The following SPMIP2 variants were observed in gnomAD, a reference collection of about 807,000 sequenced individuals.
SPMIP2 encodes the protein sperm microtubule inner protein 2.
chr4:159,044,047 T>C, the SPMIP2 span, among the ~76,000 whole-genome samples: 1 of 152,216 alleles, frequency 6.6e-6, no homozygotes, highest in Non-Finnish European at 1.5e-5. Context: ...TTGAAAATTT[T>C]CGTTTTTTAG....
At chr4:159,038,896 A>C in the SPMIP2 span, 1 of 152,644 alleles carries the variant, frequency 6.6e-6, no homozygotes, top group Non-Finnish European at 1.5e-5. Context: ...AGTCATCACT[A>C]GGAGGGTGAG....
the SPMIP2 span, among the ~76,000 whole-genome samples, chr4:158,900,982 C>T: frequency 6.6e-6 from 1 of 152,088 alleles, no homozygotes; most frequent in Non-Finnish European, 1.5e-5. Flanking sequence ...CCGCTTTTTC[C>T]TTTCCATGTA....
At chr4:158,934,874 T>C in the SPMIP2 span, among the ~76,000 whole-genome samples, 2 of 152,180 alleles carry the variant, frequency 1.3e-5, no homozygotes, top group Admixed American at 1.3e-4. Context: ...ATCAGGATTA[T>C]TGCAATATCA....
chr4:159,034,124 G>A, the SPMIP2 span, among the ~76,000 whole-genome samples: 28 of 152,142 alleles, frequency 1.8e-4, no homozygotes, highest in African/African-American at 5.8e-4. Context: ...GCAACAGGGC[G>A]AGACTCTGTC....
the SPMIP2 span, among the ~76,000 whole-genome samples, chr4:159,030,553 A>G: frequency 6.6e-6 from 1 of 151,804 alleles, no homozygotes; most frequent in Non-Finnish European, 1.5e-5. Flanking sequence ...CTGGAGTGCC[A>G]TGGTGCAATC....
At chr4:158,972,361 C>G in the SPMIP2 span, among the ~76,000 whole-genome samples, 1 of 152,120 alleles carries the variant, frequency 6.6e-6, no homozygotes, top group African/African-American at 2.4e-5. Flanking sequence ...GACCCTGTCT[C>G]TAAATAAATA....
At chr4:158,984,507 C>T in the SPMIP2 span, among the ~76,000 whole-genome samples, 2 of 151,478 alleles carry the variant, frequency 1.3e-5, no homozygotes, top group Non-Finnish European at 2.9e-5. Flanking sequence ...TACATGGAAA[C>T]TGAACAACCT....
the SPMIP2 span, among the ~76,000 whole-genome samples, chr4:159,002,046 G>A: frequency 6.6e-6 from 1 of 151,776 alleles, no homozygotes; most frequent in Admixed American, 6.6e-5. Context: ...TGTTTTTGTG[G>A]TTTTGATTTG....
the SPMIP2 span, among the ~76,000 whole-genome samples, chr4:159,051,933 T>A: frequency 6.6e-5 from 10 of 151,892 alleles, no homozygotes; most frequent in East Asian, 1.9e-3. Context: ...CACAGGCATC[T>A]CCCCCTCCTT....
the SPMIP2 span, among the ~76,000 whole-genome samples, chr4:158,935,572 AG>A: frequency 6.6e-6 from 1 of 152,250 alleles, no homozygotes; most frequent in African/African-American, 2.4e-5. Flanking sequence ...ACAAAAAAAA[AG>A]TGTCTGTCTC....
the SPMIP2 span, among the ~76,000 whole-genome samples, chr4:159,010,586 C>T: frequency 1.3e-5 from 2 of 152,236 alleles, no homozygotes; most frequent in Non-Finnish European, 2.9e-5. Flanking sequence ...CTGCACCACT[C>T]TGCCTCTTGA....
chr4:158,991,642 AATTTT>A, the SPMIP2 span, among the ~76,000 whole-genome samples: 1 of 152,140 alleles, frequency 6.6e-6, no homozygotes, highest in African/African-American at 2.4e-5. Context: ...TCGTGGCTTC[AATTTT>A]ATTTGCTTCA....
At chr4:159,048,731 CTTTTTTT>C in the SPMIP2 span, among the ~76,000 whole-genome samples, 87 of 111,480 alleles carry the variant, frequency 7.8e-4, no homozygotes, top group African/African-American at 2.9e-3. Context: ...TCCCCTTCCA[CTTTTTTT>C]TTTTTTTTTT....
chr4:158,969,737 T>C, the SPMIP2 span, among the ~76,000 whole-genome samples: 1 of 152,190 alleles, frequency 6.6e-6, no homozygotes, highest in African/African-American at 2.4e-5. Context: ...TGGAGGTGCC[T>C]GAGCATCCTT....
At chr4:159,034,639 C>T in the SPMIP2 span, among the ~76,000 whole-genome samples, 4 of 152,120 alleles carry the variant, frequency 2.6e-5, no homozygotes, top group Admixed American at 2.6e-4. Context: ...GCCTGTAATC[C>T]CAGCACTTTG....
At chr4:159,026,247 T>G in the SPMIP2 span, 6 of 530,024 alleles carry the variant, frequency 1.1e-5, no homozygotes, top group African/African-American at 7.8e-5. Flanking sequence ...AGCCAGAGTG[T>G]ATCATCATTT....
the SPMIP2 span, among the ~76,000 whole-genome samples, chr4:159,026,871 T>C: frequency 6.7e-6 from 1 of 149,886 alleles, no homozygotes; most frequent in Non-Finnish European, 1.5e-5. Flanking sequence ...ATACATATAT[T>C]TATATTTATA....
At chr4:159,040,722 TC>T in the SPMIP2 span, among the ~76,000 whole-genome samples, 1 of 152,254 alleles carries the variant, frequency 6.6e-6, no homozygotes, top group Admixed American at 6.5e-5. Flanking sequence ...TACCTCAGCC[TC>T]CCAAAGTTGT....
the SPMIP2 span, among the ~76,000 whole-genome samples, chr4:159,032,981 CA>C: frequency 3.3e-5 from 5 of 152,070 alleles, no homozygotes; most frequent in African/African-American, 4.8e-5. Flanking sequence ...CATATCCATG[CA>C]AAAGGCTGCA....
Sources: gnomAD v4.1 joint callset for allele counts (sites outside exome capture counted in the v4.1 genomes callset) on GRCh38, gnomAD v4.1.1 for gene constraint, MANE v1.5 for transcripts, NCBI Gene and HGNC (gene_info 2026-07-23, HGNC 2026-07-21) for gene names.